Variants in NRXN3 observed in about 807,000 individuals in gnomAD.
The protein encoded by NRXN3 is neurexin 3.
NRXN3 carries 32 observed loss-of-function variants against 137.6 expected under a neutral mutation model. That is an observed-to-expected ratio of 0.23 (90% CI 0.18 to 0.31). The LOEUF (loss-of-function observed/expected upper bound fraction) is 0.31. NRXN3 is among the 10% of genes least tolerant of loss of function. The probability of loss-of-function intolerance (pLI) is 1.00; values close to 1 mark genes in which losing one functional copy is unlikely to be tolerated. For synonymous variants in NRXN3, 798 were observed against 784.5 expected (o/e 1.02, Z -0.29); for missense variants, 1,574 against 2,062.5 (o/e 0.76, Z 4.59).
At chr14:79,269,022 TC>T (rs1202205739) in intron 15 of NRXN3, among the ~76,000 whole-genome samples, 1 of 151,238 alleles carries the variant, frequency 6.6e-6, no homozygotes, top group African/African-American at 2.4e-5. Flanking sequence ...TGGACTATTT[TC>T]TTACTAAATT....
At chr14:79,037,304 A>G (rs1191435487) in intron 15 of NRXN3, among the ~76,000 whole-genome samples, 1 of 152,082 alleles carries the variant, frequency 6.6e-6, no homozygotes, top group Non-Finnish European at 1.5e-5. Context: ...CACAGGCAGA[A>G]AGCTCTCAGC....
chr14:79,335,898 T>C (rs2092223099), intron 15 of NRXN3, among the ~76,000 whole-genome samples: 1 of 152,164 alleles, frequency 6.6e-6, no homozygotes, highest in Non-Finnish European at 1.5e-5. Flanking sequence ...TACGTTATAA[T>C]GCCATTTATC....
intron 15 of NRXN3, among the ~76,000 whole-genome samples, chr14:79,462,910 A>G (rs1328133025): frequency 6.6e-6 from 1 of 152,138 alleles, no homozygotes; most frequent in Non-Finnish European, 1.5e-5. Flanking sequence ...GTATATGTAC[A>G]TACACATATG....
chr14:78,426,146 T>A (rs1464661470), intron 4 of NRXN3, among the ~76,000 whole-genome samples: 2 of 152,134 alleles, frequency 1.3e-5, no homozygotes, highest in African/African-American at 4.8e-5. Flanking sequence ...CTTAGCTGTC[T>A]TTTCAAAGGC....
chr14:78,532,683 T>C (rs1235803378), intron 4 of NRXN3, among the ~76,000 whole-genome samples: 1 of 152,084 alleles, frequency 6.6e-6, no homozygotes, highest in Non-Finnish European at 1.5e-5. Flanking sequence ...GCAAATATCC[T>C]TTCTTTGACG....
At chr14:78,987,896 G>A (rs543561622) in intron 14 of NRXN3, 126 bp from the exon 15 acceptor site, 2 of 1,022,216 alleles carry the variant, frequency 2.0e-6, no homozygotes, top group African/African-American at 3.3e-5. Context: ...GACAATTTTG[G>A]TGGTGTGTCT....
intron 15 of NRXN3, among the ~76,000 whole-genome samples, chr14:79,262,956 C>T (rs577598758): frequency 6.6e-6 from 1 of 152,212 alleles, no homozygotes; most frequent in African/African-American, 2.4e-5. Context: ...ATGTCTACAG[C>T]TGGAGGTTAG....
chr14:79,185,924 C>T (rs2063494017), intron 15 of NRXN3, among the ~76,000 whole-genome samples: 1 of 152,156 alleles, frequency 6.6e-6, no homozygotes, highest in Non-Finnish European at 1.5e-5. Flanking sequence ...TGGCACTTCT[C>T]TAGGTTTTCT....
At chr14:79,748,863 T>C (rs1030632711) in intron 19 of NRXN3, among the ~76,000 whole-genome samples, 4 of 151,490 alleles carry the variant, frequency 2.6e-5, no homozygotes, top group Admixed American at 6.6e-5. Context: ...TCCCCATAAA[T>C]GCTGTAGAAT....
At chr14:79,771,346 C>G (rs548671740) in intron 19 of NRXN3, among the ~76,000 whole-genome samples, 2 of 152,322 alleles carry the variant, frequency 1.3e-5, no homozygotes, top group South Asian at 4.1e-4. Flanking sequence ...AGACCAGTAT[C>G]CTTGATGAAC....
chr14:78,638,477 G>A (rs72683568), intron 4 of NRXN3, among the ~76,000 whole-genome samples: 6,380 of 152,264 alleles, frequency 0.042, 207 homozygotes, highest in Admixed American at 0.1. Flanking sequence ...AGAGCCAAGA[G>A]TGCAGTTCAC....
intron 15 of NRXN3, among the ~76,000 whole-genome samples, chr14:79,383,448 C>CA (rs1450023157): frequency 6.6e-6 from 1 of 152,008 alleles, no homozygotes; most frequent in African/African-American, 2.4e-5. Flanking sequence ...AATTTGTCTG[C>CA]AAAAAGCCTT....
intron 15 of NRXN3, among the ~76,000 whole-genome samples, chr14:79,301,398 G>A (rs2085112210): frequency 6.6e-6 from 1 of 152,022 alleles, no homozygotes; most frequent in Admixed American, 6.6e-5. Context: ...AAGATGGGTT[G>A]TGGACACTTC....
chr14:79,835,445 A>T (rs1251438456), intron 20 of NRXN3, among the ~76,000 whole-genome samples: 1 of 152,194 alleles, frequency 6.6e-6, no homozygotes, highest in East Asian at 1.9e-4. Flanking sequence ...TTAATGATAT[A>T]TAAGAATAAT....
intron 15 of NRXN3, among the ~76,000 whole-genome samples, chr14:79,197,706 G>A (rs542366849): frequency 3.3e-5 from 5 of 152,076 alleles, no homozygotes; most frequent in African/African-American, 1.2e-4. Context: ...CAATTTGAAG[G>A]CTGCTGACTG....
At chr14:78,322,447 T>A (rs906885184) in intron 4 of NRXN3, among the ~76,000 whole-genome samples, 1 of 152,014 alleles carries the variant, frequency 6.6e-6, no homozygotes, top group African/African-American at 2.4e-5. Flanking sequence ...TTGTGTAATG[T>A]TGTAGCCTTA....
At chr14:79,381,462 C>T (rs138690429) in intron 15 of NRXN3, among the ~76,000 whole-genome samples, 2,695 of 152,218 alleles carry the variant, frequency 0.018, 32 homozygotes, top group South Asian at 0.031. Flanking sequence ...CCTTGACCTT[C>T]GTCTGTGGAG....
chr14:79,001,351 G>T (rs1301466333), intron 15 of NRXN3, among the ~76,000 whole-genome samples: 1 of 152,116 alleles, frequency 6.6e-6, no homozygotes. Context: ...AACCTTCAAT[G>T]ACCTCTTCTC....
chr14:79,038,856 GA>G (rs1222135662), intron 15 of NRXN3, among the ~76,000 whole-genome samples: 4 of 152,198 alleles, frequency 2.6e-5, no homozygotes, highest in African/African-American at 9.6e-5. Flanking sequence ...GTTCCATCTG[GA>G]TCTCTGGGAA....
Sources: allele counts gnomAD v4.1 joint callset (sites outside exome capture counted in the v4.1 genomes callset), GRCh38; gene constraint gnomAD v4.1.1; transcripts MANE v1.5; gene names NCBI Gene and HGNC (gene_info 2026-07-23, HGNC 2026-07-21).